The following DOP1B variants were observed in gnomAD, a reference collection of about 807,000 sequenced individuals.
The protein encoded by DOP1B is DOP1 leucine zipper like protein B.
DOP1B carries 174 observed loss-of-function variants against 233.5 expected under a neutral mutation model. The ratio of observed to expected loss-of-function variants is 0.75; its 90% CI spans 0.66 to 0.85. The LOEUF is 0.85. Among genes scored for constraint, DOP1B ranks in the 40% least tolerant of loss-of-function variants. DOP1B has a pLI of 0.00. For missense variants in DOP1B, 2,652 were observed against 2,846.6 expected, an observed-to-expected ratio of 0.93 and a Z score of 1.56; for synonymous variants, 1,190 against 1,185.6, an observed-to-expected ratio of 1.00 and a Z score of -0.08.
chr21:36,199,379 C>T, intron 3 of DOP1B, 128 bp downstream of exon 3: 2 of 1,202,164 alleles, frequency 1.7e-6, no homozygotes, highest in South Asian at 3.6e-5. Context: ...TATCATAAAG[C>T]CATCACCAGG....
chr21:36,248,401 G>T lies in DOP1B; in HGVS notation c.4831G>T (p.Ala1611Ser). 6.2e-7 allele frequency: 1 copy of T among 1,613,786 alleles called. No individual in the cohort carries two copies. The highest frequency in any genetic ancestry group is 8.5e-7 in the Non-Finnish European group (1 of 1,179,884). ...NKKTMAAGDP[A>S]NLRNARNAIL... ...TTAGACCATGGCTGCAGGTGATCCTGCCAACTTGAGGAATGCCAGAAATGC... is the reference window on the plus strand; with the variant it reads ...TTAGACCATGGCTGCAGGTGATCCTTCCAACTTGAGGAATGCCAGAAATGC... The change falls in exon 21 of 37, where the codon GCC becomes TCC. Residue 1611 changes from alanine to serine, a missense_variant. Physicochemically the swap from Ala to Ser is moderately conservative, Grantham distance 99 (BLOSUM62 1). Around this residue, in one of 3 missense-constraint regions of DOP1B, gnomAD observed 2,617 missense variants for 2,794.3 expected, o/e 0.94. Coordinates refer to ENST00000691173, the MANE Select transcript of DOP1B (RefSeq NM_001320714.2).
Position 36,293,382 on chromosome 21 carries a change from T to G in DOP1B, c.6708T>G (p.Ser2236=). ...AATTCCCGCTTCTGCGCCAACATTC[T>G]GTTTCCAGCATCAGGCAGTTGATGC... ...KSEFPLLRQH[S]VSSIRQLMPF... is the part of the protein sequence containing the mutation. Residue 2236 remains serine (S), a synonymous_variant, in exon 37 of 37, where the codon TCT becomes TCG. Transcript: ENST00000691173. 1.2e-6 allele frequency: 2 copies of G among 1,614,204 alleles called. No homozygotes were observed.
At chr21:36,273,402 T>G (rs1220616332) in intron 27 of DOP1B, among the ~76,000 whole-genome samples, 3 of 148,552 alleles carry the variant, frequency 2.0e-5, no homozygotes, top group Admixed American at 2.0e-4. Context: ...GGGTGCAAAC[T>G]CCATCTCAAA....
At chr21:36,179,303 C>T (rs2066067844) in intron 2 of DOP1B, among the ~76,000 whole-genome samples, 1 of 152,216 alleles carries the variant, frequency 6.6e-6, no homozygotes, top group Non-Finnish European at 1.5e-5. Flanking sequence ...TATCATTTTA[C>T]ATTCCCAGCT....
chr21:36,196,198 A>G (rs902843953), intron 2 of DOP1B, among the ~76,000 whole-genome samples: 1 of 152,242 alleles, frequency 6.6e-6, no homozygotes. Context: ...TAGTGTTAAA[A>G]AGAGAAAACT....
At chr21:36,211,495 C>G (rs1487139097) in intron 5 of DOP1B, 58 bp from the exon 6 acceptor site, 1 of 1,503,718 alleles carries the variant, frequency 6.7e-7, no homozygotes, top group Admixed American at 1.7e-5. Context: ...AGGTTACTTT[C>G]GTTTTTATGA....
intron 26 of DOP1B, 50 bp from the exon 27 acceptor site, chr21:36,269,963 A>T: frequency 6.2e-7 from 1 of 1,600,408 alleles, no homozygotes; most frequent in East Asian, 2.2e-5. Context: ...GGCACTTAAC[A>T]TTCTTTTCCT....
At chr21:36,244,258 G>A (rs1481523261) in intron 18 of DOP1B, among the ~76,000 whole-genome samples, 4 of 151,700 alleles carry the variant, frequency 2.6e-5, no homozygotes, top group African/African-American at 9.7e-5. Context: ...CTGACCTCAG[G>A]TGATCTGTCC....
chr21:36,204,451 T>C (rs536659359), intron 4 of DOP1B, among the ~76,000 whole-genome samples: 2 of 152,154 alleles, frequency 1.3e-5, no homozygotes, highest in South Asian at 4.2e-4. Context: ...AGGAAACAAA[T>C]GGACCCTTTA....
chr21:36,227,086 T>C (rs1350788871), intron 12 of DOP1B, among the ~76,000 whole-genome samples: 1 of 151,238 alleles, frequency 6.6e-6, no homozygotes, highest in Non-Finnish European at 1.5e-5. Context: ...CGGGCGCCTG[T>C]AGTCCCAGCT....
intron 15 of DOP1B, among the ~76,000 whole-genome samples, chr21:36,233,592 A>G (rs77005724): frequency 1.2e-4 from 18 of 152,244 alleles, no homozygotes; most frequent in Admixed American, 1.2e-3. Flanking sequence ...CTCAAGTGCC[A>G]TGACTCTTGC....
At chr21:36,222,308 A>G (rs998521458) in intron 10 of DOP1B, among the ~76,000 whole-genome samples, 1 of 151,616 alleles carries the variant, frequency 6.6e-6, no homozygotes, top group Non-Finnish European at 1.5e-5. Context: ...GCTGGATGCT[A>G]TGGCTTATGC....
chr21:36,289,823 T>C lies in DOP1B; in HGVS notation c.6515+617T>C, dbSNP rs140302574. 2.5e-3 allele frequency among the ~76,000 whole-genome samples: 381 copies of C among 152,248 alleles called. 3 individuals are homozygous for C. Among genetic ancestry groups the C allele is most frequent in the African/African-American group, 8.5e-3 (355 of 41,562 alleles). ...GCTACACACTGTATGATTCCAACCA[T>C]GTGACATTCTGGAAAAGGCAAAACC... On this transcript the variant is annotated intron_variant, in intron 35 of 36. Coordinates refer to ENST00000691173, the MANE Select transcript of DOP1B (RefSeq NM_001320714.2).
chr21:36,218,106 A>G (rs138780067), intron 9 of DOP1B, among the ~76,000 whole-genome samples: 523 of 152,356 alleles, frequency 3.4e-3, no homozygotes, highest in African/African-American at 0.011. Flanking sequence ...CAGGACGGCC[A>G]TTCAGTCCAG....
At position 36,207,164 on chromosome 21, in the gene DOP1B, GT is replaced by G. The variant is rs199914085; in HGVS notation, c.492-1539del. Among the ~76,000 whole-genome samples, 416 of 143,352 alleles carry G rather than the reference GT, an allele frequency of 2.9e-3. 1 individual carries two copies. Among genetic ancestry groups the G allele is most frequent in the East Asian group, 0.018 (88 of 4,946 alleles). 94.0% of individuals were successfully genotyped at this position (143,352 alleles called of 152,430 possible). A position where few individuals can be genotyped will look rare whatever the true frequency, so the allele number is the denominator to read the frequency against. On this transcript the variant is annotated intron_variant, in intron 4 of 36. Coordinates refer to ENST00000691173, the MANE Select transcript of DOP1B (RefSeq NM_001320714.2). Reference sequence around the variant, plus strand: ...CATTAGGTCTGTTCTTCTGGGTTGAGTTTTTTTTTTTTCTTTTTTTCTTTTC... The same window carrying G: ...CATTAGGTCTGTTCTTCTGGGTTGAGTTTTTTTTTTTCTTTTTTTCTTTTC...
intron 18 of DOP1B, among the ~76,000 whole-genome samples, chr21:36,242,501 G>A (rs2066903716): frequency 6.6e-6 from 1 of 152,016 alleles, no homozygotes; most frequent in South Asian, 2.1e-4. Flanking sequence ...TAGTAGAGAT[G>A]GGTGTTTCGC....
At chr21:36,223,415 C>T (rs768145310) in intron 11 of DOP1B, 65 bp downstream of exon 11, 131 of 1,564,720 alleles carry the variant, frequency 8.4e-5, no homozygotes, top group Non-Finnish European at 1.1e-4. Context: ...AATTTTGTAG[C>T]TGCTTAGAAT....
chr21:36,284,979 T>A (rs2067466307), intron 32 of DOP1B, among the ~76,000 whole-genome samples: 1 of 151,604 alleles, frequency 6.6e-6, no homozygotes, highest in African/African-American at 2.4e-5. Context: ...TTATATTATA[T>A]ATTCAAATAT....
At chr21:36,221,324 C>G (rs941138257) in intron 10 of DOP1B, among the ~76,000 whole-genome samples, 1 of 151,702 alleles carries the variant, frequency 6.6e-6, no homozygotes, top group African/African-American at 2.4e-5. Context: ...AAAACCTGGT[C>G]TCTACAAAAA....
Sources: gnomAD v4.1 joint callset for allele counts (sites outside exome capture counted in the v4.1 genomes callset) on GRCh38, gnomAD v4.1.1 for gene constraint, gnomAD v4.1.1 regional missense constraint, MANE v1.5 for transcripts, NCBI Gene and HGNC (gene_info 2026-07-23, HGNC 2026-07-21) for gene names.